Variants in HMGA2 observed in about 807,000 individuals in gnomAD.
HMGA2 encodes the protein high mobility group protein HMGI-C.
HMGA2 carries 8 observed loss-of-function variants against 19.1 expected under a neutral mutation model. That is an observed-to-expected ratio of 0.42 (90% CI 0.25 to 0.76). HMGA2 has a LOEUF of 0.76. Ranked by LOEUF, HMGA2 falls within the 30% of genes least tolerant of loss-of-function variation. HMGA2 has a pLI of 0.28. For missense variants in HMGA2, 109 were observed against 136.3 expected, an observed-to-expected ratio of 0.80 and a Z score of 1.00; for synonymous variants, 60 against 48.8, an observed-to-expected ratio of 1.23 and a Z score of -0.96.
intron 3 of HMGA2, among the ~76,000 whole-genome samples, chr12:65,950,618 A>G (rs1007295361): frequency 2.6e-5 from 4 of 152,220 alleles, no homozygotes; most frequent in African/African-American, 9.6e-5. Context: ...AGAGGAGATG[A>G]AAGTGTTCTA....
At chr12:65,834,070 A>T (rs543527863) in intron 2 of HMGA2, among the ~76,000 whole-genome samples, 20 of 152,292 alleles carry the variant, frequency 1.3e-4, no homozygotes, top group East Asian at 1.2e-3. Context: ...AAAGATGTAA[A>T]CAGGACATAT....
chr12:65,919,214 G>C (rs568903210), intron 3 of HMGA2, among the ~76,000 whole-genome samples: 2 of 152,126 alleles, frequency 1.3e-5, no homozygotes, highest in Non-Finnish European at 2.9e-5. Flanking sequence ...ATGGACTGGC[G>C]CCCTGAAAAA....
At chr12:65,830,080 T>TA (rs1345586340) in intron 2 of HMGA2, among the ~76,000 whole-genome samples, 1 of 152,006 alleles carries the variant, frequency 6.6e-6, no homozygotes, top group Non-Finnish European at 1.5e-5. Flanking sequence ...AATGGTGTTA[T>TA]AAAAATCCCT....
chr12:65,842,511 A>G (rs528197969), intron 3 of HMGA2: 278 of 1,109,174 alleles, frequency 2.5e-4, no homozygotes, highest in Non-Finnish European at 3.4e-4. Context: ...TCCTCAATAT[A>G]TTTATGCTGA....
At chr12:65,846,195 T>G (rs1223687989) in intron 3 of HMGA2, among the ~76,000 whole-genome samples, 1 of 152,202 alleles carries the variant, frequency 6.6e-6, no homozygotes. Context: ...ACAATAAACG[T>G]GGTTTTATAA....
intron 3 of HMGA2, chr12:65,843,237 T>C (rs531065847): frequency 1.1e-4 from 24 of 225,116 alleles, no homozygotes; most frequent in Non-Finnish European, 1.9e-4. Context: ...AGCTGGTTTC[T>C]CAGGCTGCTG....
Position 65,835,419 on chromosome 12 carries a change from T to C in HMGA2, c.199-3100T>C, listed in dbSNP as rs563004084. Among the ~76,000 whole-genome samples, 15 of 152,324 alleles carry C rather than the reference T, an allele frequency of 9.8e-5. 1 individual carries two copies. The East Asian group carries it at 1.2e-3, about 12-fold the overall frequency. ...TAAAGAACAATGAAAACCTCCCAGA[T>C]TGACGCCACACAGCACAGCTAATGT... On this transcript the variant is annotated intron_variant, in intron 2 of 4. Transcript: ENST00000403681.
At chr12:65,916,051 G>A (rs371153036) in intron 3 of HMGA2, among the ~76,000 whole-genome samples, 3 of 152,104 alleles carry the variant, frequency 2.0e-5, no homozygotes, top group East Asian at 1.9e-4. Context: ...GAGGAGTACC[G>A]TGCTGTCATC....
At chr12:65,905,644 C>T (rs1458946303) in intron 3 of HMGA2, among the ~76,000 whole-genome samples, 1 of 152,152 alleles carries the variant, frequency 6.6e-6, no homozygotes, top group Non-Finnish European at 1.5e-5. Flanking sequence ...AATGCCTGCC[C>T]TGTATATGCA....
intron 3 of HMGA2, among the ~76,000 whole-genome samples, chr12:65,892,361 C>T (rs987695887): frequency 6.6e-6 from 1 of 152,114 alleles, no homozygotes; most frequent in East Asian, 1.9e-4. Context: ...CCACGAGAGT[C>T]GTCCCAACTG....
chr12:65,958,171 G>T (rs2121323974), intron 4 of HMGA2: 1 of 152,270 alleles, frequency 6.6e-6, no homozygotes, highest in African/African-American at 2.4e-5. Flanking sequence ...CATTAAACAT[G>T]CCCTAGCAAG....
chr12:65,921,818 C>A (rs1875324867), intron 3 of HMGA2, among the ~76,000 whole-genome samples: 1 of 152,214 alleles, frequency 6.6e-6, no homozygotes, highest in Admixed American at 6.5e-5. Context: ...CCAGGGTCCC[C>A]ATGCTGTGTG....
rs1555179137 is a variant in HMGA2, at chr12:65,824,725, C to CTCTCTCTG, written c.-539_-538insGTCTCTCT. The stretch of plus-strand genomic sequence containing the variant: ...CAATCTCAATCTCTTCTCTCTCTCT[C>CTCTCTCTG]TCTCTCTCTCTCTCTCTCTCTCTCT... On this transcript the variant is annotated 5_prime_UTR_variant, in exon 1 of 5. Transcript: ENST00000403681. 2.0e-3 allele frequency: 298 copies of CTCTCTCTG among 147,114 alleles called. 9 individuals carry two copies. The highest frequency in any genetic ancestry group is 7.3e-3 in the Middle Eastern group (4 of 546). The allele number at this position is 147,114 out of a possible 1,614,324, so 9.1% of individuals were successfully genotyped here.
At chr12:65,925,069 C>A (rs527391021) in intron 3 of HMGA2, among the ~76,000 whole-genome samples, 1 of 152,168 alleles carries the variant, frequency 6.6e-6, no homozygotes, top group Non-Finnish European at 1.5e-5. Flanking sequence ...CATCTACTGT[C>A]TTTTATTAAA....
intron 3 of HMGA2, among the ~76,000 whole-genome samples, chr12:65,884,351 A>G (rs1592419898): frequency 6.6e-6 from 1 of 152,190 alleles, no homozygotes; most frequent in African/African-American, 2.4e-5. Flanking sequence ...ATATTCCAAA[A>G]TCTGAAGAAA....
intron 3 of HMGA2, among the ~76,000 whole-genome samples, chr12:65,916,827 G>A (rs1038009678): frequency 3.3e-5 from 5 of 152,174 alleles, no homozygotes; most frequent in East Asian, 1.9e-4. Context: ...AGGGAAAAGC[G>A]GACAATAAAT....
intron 3 of HMGA2, chr12:65,873,923 G>A (rs1272199704): frequency 6.6e-6 from 1 of 152,204 alleles, no homozygotes; most frequent in African/African-American, 2.4e-5. Context: ...ACCAAAAAAG[G>A]TAGGTAACAA....
chr12:65,864,741 A>AGTG (rs1397227214), intron 3 of HMGA2, among the ~76,000 whole-genome samples: 16 of 152,328 alleles, frequency 1.1e-4, no homozygotes, highest in Middle Eastern at 3.4e-3. Flanking sequence ...TTGTATGTGC[A>AGTG]GTGCCATTGA....
chr12:65,897,394 A>C (rs1207263918), intron 3 of HMGA2, among the ~76,000 whole-genome samples: 1 of 152,236 alleles, frequency 6.6e-6, no homozygotes, highest in Non-Finnish European at 1.5e-5. Flanking sequence ...TTTCTGAGAA[A>C]ATTAAGGAAA....
Sources: allele counts gnomAD v4.1 joint callset (sites outside exome capture counted in the v4.1 genomes callset), GRCh38; gene constraint gnomAD v4.1.1; transcripts MANE v1.5; gene names NCBI Gene and HGNC (gene_info 2026-07-23, HGNC 2026-07-21).